The following PRH1 variants were observed in gnomAD, a reference collection of about 807,000 sequenced individuals.
PRH1 encodes proline rich protein HaeIII subfamily 1.
Under a neutral mutation model 7.9 loss-of-function variants are expected in PRH1, and 7 were observed. The ratio of observed to expected loss-of-function variants is 0.89; its 90% CI spans 0.50 to 1.67. The LOEUF is 1.67. PRH1 is among the 40% of genes most tolerant of loss of function. The pLI is 0.00. For synonymous variants in PRH1, 45 were observed against 80.8 expected, an observed-to-expected ratio of 0.56 and a Z score of 2.38; for missense variants, 109 against 223.6, an observed-to-expected ratio of 0.49 and a Z score of 3.27.
chr12:11,170,439 C>G (rs1947793196), intron 1 of PRH1, among the ~76,000 whole-genome samples: 1 of 152,122 alleles, frequency 6.6e-6, no homozygotes, highest in South Asian at 2.1e-4. Flanking sequence ...CCCAGCTACT[C>G]AGGAGGCTGA....
intron 1 of PRH1, among the ~76,000 whole-genome samples, chr12:11,101,775 C>T (rs1945258134): frequency 1.3e-5 from 2 of 152,044 alleles, no homozygotes; most frequent in East Asian, 3.9e-4. Context: ...TAGAATTTGC[C>T]ATTGTATATT....
intron 1 of PRH1, among the ~76,000 whole-genome samples, chr12:11,109,087 GC>G (rs981546543): frequency 2.6e-5 from 4 of 152,160 alleles, no homozygotes; most frequent in African/African-American, 9.7e-5. Flanking sequence ...CAGCAGCTCT[GC>G]ACAACCACTG....
At chr12:11,115,759 A>C (rs1402058400) in intron 1 of PRH1, among the ~76,000 whole-genome samples, 1 of 152,150 alleles carries the variant, frequency 6.6e-6, no homozygotes, top group Non-Finnish European at 1.5e-5. Context: ...GAAACTATAC[A>C]GACACATGGA....
intron 2 of PRH1, among the ~76,000 whole-genome samples, chr12:10,959,580 T>C (rs944644943): frequency 2.6e-5 from 4 of 152,188 alleles, no homozygotes; most frequent in African/African-American, 9.6e-5. Flanking sequence ...TGAGACATTG[T>C]ACAAAACGCA....
rs1591859885 is a variant in PRH1, at chr12:11,037,071, T to C, written c.-126+9949A>G. Among the ~76,000 whole-genome samples, 4 of 152,372 alleles carry C rather than the reference T, an allele frequency of 2.6e-5. No individual in the cohort carries two copies. In the South Asian group the frequency reaches 8.3e-4, roughly 32 times the overall value. The stretch of plus-strand genomic sequence containing the variant: ...TTTTCAACGATTTATTTGCTTTTTT[T>C]TCTTTTACTACATTTTAAAATTCGA... On this transcript the variant is annotated intron_variant, in intron 1 of 3. Coordinates refer to the PRH1 transcript ENST00000539853.
chr12:11,142,723 T>C (rs899100550), intron 1 of PRH1, among the ~76,000 whole-genome samples: 3 of 151,948 alleles, frequency 2.0e-5, no homozygotes, highest in African/African-American at 7.3e-5. Context: ...AAGAAACAAA[T>C]AATGTACAAT....
At chr12:11,041,218 C>A (rs1441637396) in intron 1 of PRH1, among the ~76,000 whole-genome samples, 1 of 141,356 alleles carries the variant, frequency 7.1e-6, no homozygotes, top group Non-Finnish European at 1.5e-5. Flanking sequence ...AAGAAACACA[C>A]TTTGCCTATA....
chr12:11,139,118 C>CT (rs1172353549), intron 1 of PRH1, among the ~76,000 whole-genome samples: 1 of 152,128 alleles, frequency 6.6e-6, no homozygotes, highest in Non-Finnish European at 1.5e-5. Flanking sequence ...AGCAAAAACT[C>CT]TAATTACAAT....
chr12:11,099,037 A>G (rs1411105154), intron 1 of PRH1, among the ~76,000 whole-genome samples: 1 of 152,050 alleles, frequency 6.6e-6, no homozygotes, highest in Admixed American at 6.5e-5. Context: ...TAATGTTTAA[A>G]TATTTATTAT....
At chr12:11,165,172 A>G (rs756581130) in intron 1 of PRH1, among the ~76,000 whole-genome samples, 1 of 152,230 alleles carries the variant, frequency 6.6e-6, no homozygotes, top group South Asian at 2.1e-4. Flanking sequence ...TTTTTACTTC[A>G]TAAGAAACTA....
chr12:10,907,561 T>C (rs1189698811), intron 2 of PRH1, among the ~76,000 whole-genome samples: 1 of 151,978 alleles, frequency 6.6e-6, no homozygotes, highest in Admixed American at 6.6e-5. Context: ...TCTATATCTA[T>C]AGATATATAG....
intron 1 of PRH1, among the ~76,000 whole-genome samples, chr12:11,156,817 C>T (rs1947264529): frequency 6.6e-6 from 1 of 150,880 alleles, no homozygotes; most frequent in African/African-American, 2.4e-5. Flanking sequence ...TCTTCTTTTA[C>T]CCACACTTTG....
chr12:11,095,985 T>C (rs1207969794), intron 1 of PRH1, among the ~76,000 whole-genome samples: 1 of 113,382 alleles, frequency 8.8e-6, no homozygotes, highest in African/African-American at 3.0e-5. Context: ...CCCTTTAACA[T>C]AATCTATCTT....
intron 2 of PRH1, chr12:10,938,406 T>C: frequency 6.2e-7 from 1 of 1,613,944 alleles, no homozygotes; most frequent in Non-Finnish European, 8.5e-7. Context: ...GCCATTCCCA[T>C]CACCTGGGAA....
chr12:11,139,306 T>C (rs1458367575), intron 1 of PRH1, among the ~76,000 whole-genome samples: 7 of 152,068 alleles, frequency 4.6e-5, no homozygotes, highest in African/African-American at 7.2e-5. Context: ...GGTCAGAAAA[T>C]AGAATTTGCC....
intron 1 of PRH1, among the ~76,000 whole-genome samples, chr12:11,010,993 T>TGTACA (rs1941045329): frequency 6.6e-6 from 1 of 152,054 alleles, no homozygotes; most frequent in African/African-American, 2.4e-5. Flanking sequence ...TTTGAGAAAT[T>TGTACA]ATGATTAGTT....
rs747859002 is a variant in PRH1 at position 10,939,243 on chromosome 12, T to A, written c.-59+34412A>T. On this transcript the variant is annotated intron_variant, in intron 2 of 3. Transcript: ENST00000539853. ...AGCATGCCCCAATGTCTAATATCAC[T>A]GCTGAAGACTTCTTAATGCATTCAT... 3.2e-6 allele frequency: 4 copies of A among 1,233,166 alleles called. No homozygotes were observed. The African/African-American group carries it at 6.1e-5, about 19-fold the overall frequency. 76.4% of individuals were successfully genotyped at this position (1,233,166 alleles called of 1,614,324 possible). A position where few individuals can be genotyped will look rare whatever the true frequency, so the allele number is the denominator to read the frequency against.
At position 11,123,354 on chromosome 12, in the gene PRH1, C is replaced by T. The variant is rs185060843; in HGVS notation, n.40-2174G>A. ...ATATATATCTGGGTGTAGATTTATA[C>T]GGTCCTTGATTATGATATTCAAATT... On this transcript the variant is annotated intron_variant and non_coding_transcript_variant, in intron 1 of 1. Coordinates refer to the PRH1 transcript ENST00000541175. Among the ~76,000 whole-genome samples the T allele has an allele frequency of 1.3e-3, 173 of 136,360 alleles. 2 individuals carry two copies. The highest frequency in any genetic ancestry group is 1.2e-3 in the Admixed American group (16 of 13,380). The allele number at this position is 136,360 out of a possible 152,430, so 89.5% of individuals were successfully genotyped here.
rs556485130 is a variant in PRH1, at chr12:11,107,830, T to G, written n.124-60642A>C. ...TCTCAAAAAACAATGCTGGGTAAAA[T>G]TGAAGAAGACTACCTCAAAGAATTT... is the stretch of plus-strand genomic sequence containing the variant. On this transcript the variant is annotated intron_variant and non_coding_transcript_variant, in intron 1 of 4. Coordinates refer to the PRH1 transcript ENST00000541977. 3.3e-5 allele frequency among the ~76,000 whole-genome samples: 5 copies of G among 152,306 alleles called. No homozygotes were observed. In the South Asian group the frequency reaches 1.0e-3, roughly 32 times the overall value.
Sources: allele counts gnomAD v4.1 joint callset (sites outside exome capture counted in the v4.1 genomes callset), GRCh38; gene constraint gnomAD v4.1.1; transcripts MANE v1.5; gene names NCBI Gene and HGNC (gene_info 2026-07-23, HGNC 2026-07-21).